ARFGEF3: variants seen among roughly 807,000 people sequenced by gnomAD.
The protein encoded by ARFGEF3 is ARFGEF family member 3, also known as brefeldin A-inhibited guanine nucleotide-exchange protein 3.
A neutral mutation model predicts 221.7 loss-of-function variants in ARFGEF3; 96 were observed. The ratio of observed to expected loss-of-function variants is 0.43; its 90% CI spans 0.37 to 0.51. The LOEUF (loss-of-function observed/expected upper bound fraction) is 0.51, where lower values mean the gene tolerates loss of function less well. ARFGEF3 is among the 20% of genes least tolerant of loss of function. The pLI, the probability that ARFGEF3 is intolerant of heterozygous loss-of-function variation, is 0.00. For missense variants in ARFGEF3, 2,410 were observed against 2,789.9 expected (o/e 0.86, Z 3.07); for synonymous variants, 1,145 against 1,126.8 (o/e 1.02, Z -0.32).
Position 138,340,094 on chromosome 6 carries a change from G to A in ARFGEF3, c.*3608G>A, listed in dbSNP as rs1215382403. On this transcript the variant is annotated 3_prime_UTR_variant, in exon 34 of 34. Transcript: ENST00000251691. Reference sequence around the variant, plus strand: ...AAAAATACAAAATTAGCCGGGCATGGTGGCAGCTGCCTGTAATCCCAGCTA... The same window carrying A: ...AAAAATACAAAATTAGCCGGGCATGATGGCAGCTGCCTGTAATCCCAGCTA... The A allele has an allele frequency of 6.6e-6, 1 of 152,256 alleles. No homozygotes were observed. The highest frequency in any genetic ancestry group is 1.5e-5 in the Non-Finnish European group (1 of 68,088). The allele number at this position is 152,256 out of a possible 1,614,324, so 9.4% of individuals were successfully genotyped here.
At chr6:138,203,332 C>T (rs1214535173) in intron 2 of ARFGEF3, among the ~76,000 whole-genome samples, 1 of 152,150 alleles carries the variant, frequency 6.6e-6, no homozygotes, top group Non-Finnish European at 1.5e-5. Context: ...CTTGGGCAGG[C>T]TACAAAACCT....
rs1667047464 is a variant in ARFGEF3, at chr6:138,162,663, GA to G, written c.85+497del. Among the ~76,000 whole-genome samples, 2 of 152,206 alleles carry G rather than the reference GA, an allele frequency of 1.3e-5. No homozygotes were observed. Among genetic ancestry groups the G allele is most frequent in the South Asian group, 4.1e-4 (2 of 4,828 alleles). The stretch of plus-strand genomic sequence containing the variant: ...GTTAGCTTTCCTGGTTATTGCACAT[GA>G]AAAATAACATACGGGCGGGGATCAT... On this transcript the variant is annotated intron_variant, in intron 1 of 33. Coordinates refer to ENST00000251691, the MANE Select transcript of ARFGEF3 (RefSeq NM_020340.5). The surrounding 1 kb of genome is among the most constrained non-coding windows in gnomAD (Gnocchi z 4.7).
intron 12 of ARFGEF3, among the ~76,000 whole-genome samples, chr6:138,269,997 G>A (rs1778972488): frequency 6.6e-6 from 1 of 152,058 alleles, no homozygotes. Flanking sequence ...AACTGAGACA[G>A]CTGGTGCTGG....
At chr6:138,207,167 G>A in intron 3 of ARFGEF3, 44 bp downstream of exon 3, 1 of 1,502,676 alleles carries the variant, frequency 6.7e-7, no homozygotes, top group South Asian at 1.2e-5. Flanking sequence ...AAATTGACAG[G>A]CCACTTTGGC....
chr6:138,203,946 A>G (rs572856535), intron 2 of ARFGEF3, among the ~76,000 whole-genome samples: 1 of 152,102 alleles, frequency 6.6e-6, no homozygotes, highest in Admixed American at 6.5e-5. Context: ...CGGCCAATGC[A>G]TTTATTTTCT....
chr6:138,325,202 A>G (rs936296346), intron 31 of ARFGEF3, among the ~76,000 whole-genome samples: 46 of 152,352 alleles, frequency 3.0e-4, no homozygotes, highest in South Asian at 1.0e-3. Context: ...GGTTATACTC[A>G]AAAGGGAAGG....
chr6:138,162,308 T>C lies in ARFGEF3; in HGVS notation c.85+137T>C, dbSNP rs1217813169. ...CGATTGCGAGAGTCGCCTCGGGAAA[T>C]TGATGTGGGATTTGAGAGTCTTGGC... On this transcript the variant is annotated intron_variant, in intron 1 of 33. Coordinates refer to ENST00000251691, the MANE Select transcript of ARFGEF3 (RefSeq NM_020340.5). The surrounding 1 kb of genome is among the most constrained non-coding windows in gnomAD (Gnocchi z 4.7). 3.6e-5 allele frequency: 20 copies of C among 563,122 alleles called. No individual in the cohort carries two copies. Among genetic ancestry groups the C allele is most frequent in the African/African-American group, 1.4e-4 (7 of 49,154 alleles). 34.9% of individuals were successfully genotyped at this position (563,122 alleles called of 1,614,324 possible). A position where few individuals can be genotyped will look rare whatever the true frequency, so the allele number is the denominator to read the frequency against.
chr6:138,234,033 G>T (rs909779616), intron 5 of ARFGEF3, among the ~76,000 whole-genome samples: 1 of 152,158 alleles, frequency 6.6e-6, no homozygotes, highest in Non-Finnish European at 1.5e-5. Flanking sequence ...TGAGGAGTCT[G>T]TTCTTTAGCT....
At chr6:138,175,372 T>G (rs1776920097) in intron 2 of ARFGEF3, among the ~76,000 whole-genome samples, 1 of 152,206 alleles carries the variant, frequency 6.6e-6, no homozygotes, top group African/African-American at 2.4e-5. Flanking sequence ...TTGCTATCTT[T>G]GCTTCTCTTT....
At chr6:138,199,082 A>AT (rs1349863506) in intron 2 of ARFGEF3, among the ~76,000 whole-genome samples, 1 of 152,152 alleles carries the variant, frequency 6.6e-6, no homozygotes, top group Admixed American at 6.5e-5. Flanking sequence ...TCTATTTAAT[A>AT]TTTTTTTAAA....
rs571633141 is a variant in ARFGEF3, at chr6:138,245,545, G to A, written c.619G>A (p.Val207Ile). The A allele has an allele frequency of 1.2e-6, 2 of 1,611,358 alleles. No individual in the cohort carries two copies. The highest frequency in any genetic ancestry group is 1.7e-6 in the Non-Finnish European group (2 of 1,178,946). Reference protein sequence around the residue: ...STVESLCDDVVSVLTVLCEKL... With the variant: ...STVESLCDDVISVLTVLCEKL... ...AGTAGAGTCCCTCTGTGATGATGTTGTCTCTGTACTCACCGTCCTGTGTGA... is the reference window on the plus strand; with the variant it reads ...AGTAGAGTCCCTCTGTGATGATGTTATCTCTGTACTCACCGTCCTGTGTGA... The change falls in exon 8 of 34, where the codon GTC becomes ATC. Residue 207 changes from valine (V) to isoleucine (I), a missense_variant. By Grantham distance (29) the Val-to-Ile change is conservative. This residue lies in a region of ARFGEF3 where 570 missense variants were observed against 586.9 expected (regional missense o/e 0.97). Coordinates refer to ENST00000251691, the MANE Select transcript of ARFGEF3 (RefSeq NM_020340.5).
At chr6:138,241,543 G>A (rs570527603) in intron 6 of ARFGEF3, among the ~76,000 whole-genome samples, 2 of 152,292 alleles carry the variant, frequency 1.3e-5, no homozygotes, top group East Asian at 3.9e-4. Context: ...AACAGCCACA[G>A]GTGCAGACAG....
chr6:138,180,814 T>TATCTCTGCAAACATATCTTGTCATCTGC (rs2114448010), intron 2 of ARFGEF3, among the ~76,000 whole-genome samples: 1 of 152,338 alleles, frequency 6.6e-6, no homozygotes, highest in Non-Finnish European at 1.5e-5. Context: ...AGGCTTGCCA[T>TATCTCTGCAAACATATCTTGTCATCTGC]AAACAGGTGA....
chr6:138,245,241 G>A (rs113614260), intron 7 of ARFGEF3, among the ~76,000 whole-genome samples: 1,648 of 152,286 alleles, frequency 0.011, 27 homozygotes, highest in African/African-American at 0.038. Context: ...GGCGGAGGTT[G>A]CAGTGAGCCA....
intron 6 of ARFGEF3, among the ~76,000 whole-genome samples, chr6:138,239,670 A>C (rs962508046): frequency 4.0e-5 from 6 of 151,260 alleles, no homozygotes; most frequent in African/African-American, 1.5e-4. Context: ...AAAAAAAAAA[A>C]GAAAGAAAAT....
At chr6:138,296,702 A>G in intron 20 of ARFGEF3, 108 bp from the exon 21 acceptor site, 1 of 1,332,640 alleles carries the variant, frequency 7.5e-7, no homozygotes. Context: ...CCAATATCGA[A>G]TTACCCTACT....
intron 5 of ARFGEF3, among the ~76,000 whole-genome samples, chr6:138,237,480 C>T (rs1178577155): frequency 2.0e-5 from 3 of 152,138 alleles, no homozygotes; most frequent in African/African-American, 4.8e-5. Flanking sequence ...TCTGAAAAGT[C>T]ATGACTTTTA....
intron 7 of ARFGEF3, among the ~76,000 whole-genome samples, chr6:138,243,643 A>C (rs1330067984): frequency 6.6e-6 from 1 of 152,224 alleles, no homozygotes; most frequent in Non-Finnish European, 1.5e-5. Context: ...TAATTTTTTA[A>C]ATACTGCAAA....
Position 138,334,787 on chromosome 6 carries a change from G to A in ARFGEF3, c.5941G>A (p.Ala1981Thr), listed in dbSNP as rs1562220451. Residue 1981 changes from alanine to threonine, a missense_variant, in exon 33 of 34, where the codon GCC becomes ACC. Physicochemically the swap from Ala to Thr is moderately conservative, Grantham distance 58. Coordinates refer to ENST00000251691, the MANE Select transcript of ARFGEF3 (RefSeq NM_020340.5). This position sits in a 1 kb window ranked among gnomAD's most constrained non-coding sequence, Gnocchi z 5.1. ...CATGGGCGAGTCCCTGAGCCTGAAG[G>A]CCGGTGGTGGGGACCTGCTGCTGCC... is the stretch of plus-strand genomic sequence containing the variant. ...EHMGESLSLK[A>T]GGGDLLLPPS... 6.2e-7 allele frequency: 1 copy of A among 1,607,414 alleles called. No individual in the cohort carries two copies. Among genetic ancestry groups the A allele is most frequent in the East Asian group, 2.2e-5 (1 of 44,506 alleles).
Sources: gnomAD v4.1 joint callset for allele counts (sites outside exome capture counted in the v4.1 genomes callset) on GRCh38, gnomAD v4.1.1 for gene constraint, gnomAD v4.1.1 regional missense constraint, Gnocchi (gnomAD v3.1) non-coding constraint, MANE v1.5 for transcripts, NCBI Gene and HGNC (gene_info 2026-07-23, HGNC 2026-07-21) for gene names.